PCDH15: variants seen among roughly 807,000 people sequenced by gnomAD.
PCDH15 encodes the protein protocadherin related 15, also known as protocadherin-15.
A neutral mutation model predicts 178.5 loss-of-function variants in PCDH15; 129 were observed. The observed-to-expected ratio is 0.72, with a 90% CI of 0.63 to 0.84. The LOEUF (loss-of-function observed/expected upper bound fraction) is 0.84, where lower values mean the gene tolerates loss of function less well. Among genes scored for constraint, PCDH15 ranks in the 40% least tolerant of loss-of-function variants. The pLI, the probability that PCDH15 is intolerant of heterozygous loss-of-function variation, is 0.00. For synonymous variants in PCDH15, 800 were observed against 732.0 expected, an observed-to-expected ratio of 1.09 and a Z score of -1.50; for missense variants, 2,230 against 2,099.9, an observed-to-expected ratio of 1.06 and a Z score of -1.21.
rs553852216 is a variant in PCDH15 at position 54,959,707 on chromosome 10, C to T, written c.-79-62207G>A. Among the ~76,000 whole-genome samples, 10 of 151,956 alleles carry T rather than the reference C, an allele frequency of 6.6e-5. No individual in the cohort carries two copies. The South Asian group carries it at 1.9e-3, about 28-fold the overall frequency. The stretch of plus-strand genomic sequence containing the variant: ...CTAACCTAGCCTTTATGTCTATCAT[C>T]GAATTTAGAGGAACTAAAGGAATAG... On this transcript the variant is annotated intron_variant, in intron 2 of 5. Coordinates refer to the PCDH15 transcript ENST00000458638.
At chr10:54,565,106 T>C (rs927737636) in intron 2 of PCDH15, among the ~76,000 whole-genome samples, 3 of 152,188 alleles carry the variant, frequency 2.0e-5, no homozygotes, top group South Asian at 2.1e-4. Flanking sequence ...CTTCATTCAC[T>C]TGGATTCTAA....
rs187433150 is a variant in PCDH15, at chr10:55,111,581, C to T, written c.-80+54995G>A. On this transcript the variant is annotated intron_variant, in intron 2 of 5. Transcript: ENST00000458638. ...TCTTTTTGACGGGTGCAGTGGCTCACGCCTGTAATCCCAGCAGTTTGGGAG... is the reference window on the plus strand; with the variant it reads ...TCTTTTTGACGGGTGCAGTGGCTCATGCCTGTAATCCCAGCAGTTTGGGAG... Among the ~76,000 whole-genome samples, 11 of 152,022 alleles carry T rather than the reference C, an allele frequency of 7.2e-5. No homozygotes were observed. In the East Asian group the frequency reaches 1.7e-3, roughly 24 times the overall value.
intron 3 of PCDH15, among the ~76,000 whole-genome samples, chr10:54,873,992 T>A (rs1399329492): frequency 6.8e-6 from 1 of 146,742 alleles, no homozygotes; most frequent in East Asian, 2.0e-4. Flanking sequence ...ATTATTATAC[T>A]TTAAGTTTTA....
At chr10:55,029,338 G>GTA (rs1041176648) in intron 2 of PCDH15, among the ~76,000 whole-genome samples, 1 of 151,836 alleles carries the variant, frequency 6.6e-6, no homozygotes, top group South Asian at 2.1e-4. Flanking sequence ...GAATATGCAT[G>GTA]TATATATATA....
intron 2 of PCDH15, among the ~76,000 whole-genome samples, chr10:55,165,452 T>C (rs1839170216): frequency 6.6e-6 from 1 of 151,890 alleles, no homozygotes; most frequent in South Asian, 2.1e-4. Flanking sequence ...TTATTATTAC[T>C]AAAAGAGAAT....
intron 1 of PCDH15, among the ~76,000 whole-genome samples, chr10:54,747,678 T>C (rs1479636924): frequency 1.3e-5 from 2 of 152,194 alleles, no homozygotes; most frequent in Non-Finnish European, 2.9e-5. Flanking sequence ...TTCTGGTCGA[T>C]GTAACTTTCA....
intron 2 of PCDH15, among the ~76,000 whole-genome samples, chr10:55,587,926 G>A (rs768747275): frequency 2.6e-5 from 4 of 152,094 alleles, no homozygotes; most frequent in South Asian, 4.1e-4. Flanking sequence ...AAGAATAAGA[G>A]GGAAAAAGAA....
At chr10:54,939,523 A>AAAAAAAAAAAAAAAAAAAAAGT (rs1838005564) in intron 2 of PCDH15, among the ~76,000 whole-genome samples, 1 of 146,370 alleles carries the variant, frequency 6.8e-6, no homozygotes, top group Non-Finnish European at 1.5e-5. Context: ...AAAAAAAAAA[A>AAAAAAAAAAAAAAAAAAAAAGT]TCAGTGATGT....
chr10:54,852,066 T>C (rs902248328), intron 3 of PCDH15, among the ~76,000 whole-genome samples: 28 of 152,292 alleles, frequency 1.8e-4, no homozygotes, highest in Admixed American at 1.5e-3. Context: ...AAGGTAGTAA[T>C]ACAGCGTTTA....
intron 1 of PCDH15, among the ~76,000 whole-genome samples, chr10:54,725,888 T>TA (rs201920592): frequency 0.035 from 5,203 of 147,100 alleles, 303 homozygotes; most frequent in African/African-American, 0.12. Context: ...TCAGTTCTGG[T>TA]AAAAAAAAAT....
intron 1 of PCDH15, among the ~76,000 whole-genome samples, chr10:54,675,695 C>T (rs186908519): frequency 3.9e-4 from 59 of 152,136 alleles, no homozygotes; most frequent in Non-Finnish European, 6.2e-4. Flanking sequence ...TTGTATTCAG[C>T]GAACACATCT....
At chr10:54,990,456 T>C (rs1205067252) in intron 2 of PCDH15, among the ~76,000 whole-genome samples, 4 of 152,230 alleles carry the variant, frequency 2.6e-5, no homozygotes, top group Non-Finnish European at 5.9e-5. Flanking sequence ...GTTATTAGAC[T>C]CATCTATCTA....
At position 55,404,337 on chromosome 10, in the gene PCDH15, A is replaced by C. The variant is rs75864609; in HGVS notation, c.-156+223288T>G. Among the ~76,000 whole-genome samples the C allele has an allele frequency of 7.9e-3, 1,206 of 152,176 alleles. 15 individuals carry two copies. Among genetic ancestry groups the C allele is most frequent in the African/African-American group, 0.026 (1,084 of 41,562 alleles). On this transcript the variant is annotated intron_variant, in intron 2 of 5. Transcript: ENST00000613346. ...CCACAGATATTATGATTGATGAGAC[A>C]CAGATGCTCTGTTAATTCCATGATG...
At chr10:54,981,140 T>A (rs1465613319) in intron 2 of PCDH15, among the ~76,000 whole-genome samples, 1 of 152,130 alleles carries the variant, frequency 6.6e-6, no homozygotes, top group East Asian at 1.9e-4. Context: ...CACAAAGGAA[T>A]GCTGCAACAA....
At chr10:55,348,969 T>C (rs1305816263) in intron 2 of PCDH15, among the ~76,000 whole-genome samples, 1 of 152,082 alleles carries the variant, frequency 6.6e-6, no homozygotes, top group African/African-American at 2.4e-5. Flanking sequence ...GAACAAAACA[T>C]TGTGGACATG....
chr10:55,577,923 T>A (rs1297871081), intron 2 of PCDH15, among the ~76,000 whole-genome samples: 1 of 152,142 alleles, frequency 6.6e-6, no homozygotes. Context: ...AAAACGTCCA[T>A]CTTTTAATTA....
At chr10:54,942,669 G>A (rs531163966) in intron 2 of PCDH15, among the ~76,000 whole-genome samples, 1 of 151,918 alleles carries the variant, frequency 6.6e-6, no homozygotes, top group Non-Finnish European at 1.5e-5. Flanking sequence ...TAAATATGTA[G>A]CACAAGGTCA....
intron 3 of PCDH15, among the ~76,000 whole-genome samples, chr10:54,475,176 T>G (rs1159174845): frequency 6.6e-6 from 1 of 152,008 alleles, no homozygotes; most frequent in Non-Finnish European, 1.5e-5. Context: ...ATTGCCACGA[T>G]TAAGTGGCTG....
intron 13 of PCDH15, among the ~76,000 whole-genome samples, chr10:54,158,853 A>T (rs1212255965): frequency 6.6e-6 from 1 of 152,148 alleles, no homozygotes; most frequent in Non-Finnish European, 1.5e-5. Context: ...CACGCTTGTA[A>T]TTCCAGCACT....
Sources: allele counts gnomAD v4.1 joint callset (sites outside exome capture counted in the v4.1 genomes callset), GRCh38; gene constraint gnomAD v4.1.1; transcripts MANE v1.5; gene names NCBI Gene and HGNC (gene_info 2026-07-23, HGNC 2026-07-21).